Variants in ATG10 observed in about 807,000 individuals in gnomAD.
ATG10 encodes the protein autophagy related 10.
ATG10 carries 30 observed loss-of-function variants against 32.1 expected under a neutral mutation model. That is an observed-to-expected ratio of 0.94 (90% CI 0.70 to 1.27). The LOEUF (loss-of-function observed/expected upper bound fraction) is 1.27, where lower values mean the gene tolerates loss of function less well. ATG10 is among the 50% of genes most tolerant of loss of function. The pLI, the probability that ATG10 is intolerant of heterozygous loss-of-function variation, is 0.00. For missense variants in ATG10, 233 were observed against 262.3 expected, an observed-to-expected ratio of 0.89 and a Z score of 0.77; for synonymous variants, 87 against 91.5, an observed-to-expected ratio of 0.95 and a Z score of 0.28.
At chr5:82,080,849 C>G (rs1220371915) in intron 3 of ATG10, among the ~76,000 whole-genome samples, 3 of 152,148 alleles carry the variant, frequency 2.0e-5, no homozygotes, top group African/African-American at 7.2e-5. Context: ...AGTGTGGGCT[C>G]TTTTTTGTTC....
chr5:82,054,067 C>T (rs1377137544), intron 2 of ATG10, among the ~76,000 whole-genome samples: 1 of 152,134 alleles, frequency 6.6e-6, no homozygotes, highest in Non-Finnish European at 1.5e-5. Flanking sequence ...TGACTCTGTT[C>T]ATTGAGTTCA....
intron 3 of ATG10, among the ~76,000 whole-genome samples, chr5:82,133,767 A>C (rs936132234): frequency 2.0e-5 from 3 of 152,096 alleles, no homozygotes; most frequent in African/African-American, 7.2e-5. Context: ...GAAGAAAGTC[A>C]CTGGTAGCTT....
At chr5:82,060,122 C>G (rs906939010) in intron 3 of ATG10, among the ~76,000 whole-genome samples, 4 of 152,098 alleles carry the variant, frequency 2.6e-5, no homozygotes, top group African/African-American at 9.7e-5. Context: ...TGTGCACATA[C>G]TATGAATAAT....
At chr5:82,091,372 T>C (rs1764877813) in intron 3 of ATG10, among the ~76,000 whole-genome samples, 1 of 152,094 alleles carries the variant, frequency 6.6e-6, no homozygotes, top group South Asian at 2.1e-4. Context: ...GCCTGACTTA[T>C]TTCTGCCTTT....
intron 2 of ATG10, among the ~76,000 whole-genome samples, chr5:82,032,821 A>G (rs746473297): frequency 3.0e-4 from 46 of 152,028 alleles, no homozygotes; most frequent in Non-Finnish European, 4.7e-4. Context: ...TGTGCCAGAC[A>G]TTGTTCACAC....
At chr5:81,977,993 C>CTTTTTTAT (rs1212306350) in intron 1 of ATG10, among the ~76,000 whole-genome samples, 3 of 152,148 alleles carry the variant, frequency 2.0e-5, no homozygotes, top group Non-Finnish European at 1.5e-5. Flanking sequence ...AAATATGGCA[C>CTTTTTTAT]TTGGTAGTAT....
intron 3 of ATG10, among the ~76,000 whole-genome samples, chr5:82,158,357 C>T (rs61501442): frequency 2.0e-5 from 3 of 150,534 alleles, no homozygotes; most frequent in African/African-American, 7.4e-5. Context: ...TGCCCCCCCG[C>T]CCCCCATCTC....
At chr5:81,985,923 T>C (rs555218470) in intron 1 of ATG10, among the ~76,000 whole-genome samples, 1 of 152,214 alleles carries the variant, frequency 6.6e-6, no homozygotes, top group African/African-American at 2.4e-5. Context: ...CCACCACGCC[T>C]GGCTAATTTT....
chr5:82,027,532 G>A (rs1406447746), intron 2 of ATG10, among the ~76,000 whole-genome samples: 2 of 152,040 alleles, frequency 1.3e-5, no homozygotes, highest in Non-Finnish European at 2.9e-5. Context: ...TATGAATTTT[G>A]ATGAAGTTTG....
intron 2 of ATG10, among the ~76,000 whole-genome samples, chr5:82,005,201 TCTTTA>T (rs1377023721): frequency 5.9e-5 from 9 of 152,304 alleles, no homozygotes; most frequent in Non-Finnish European, 8.8e-5. Flanking sequence ...GGTACTATTC[TCTTTA>T]CTTTTTTTGT....
chr5:82,036,771 G>A (rs1162025814), intron 2 of ATG10, among the ~76,000 whole-genome samples: 1 of 151,866 alleles, frequency 6.6e-6, no homozygotes, highest in African/African-American at 2.4e-5. Context: ...GTAAAGTTGT[G>A]CAGTTTTCTT....
chr5:82,046,476 A>G lies in ATG10; in HGVS notation c.109-12019A>G, dbSNP rs186342565. Among the ~76,000 whole-genome samples the G allele has an allele frequency of 1.7e-3, 254 of 152,284 alleles. 1 individual carries two copies. The highest frequency in any genetic ancestry group is 5.7e-3 in the African/African-American group (238 of 41,556). ...CAACCAGAATCTAGGAGGAGGCAACAGCCTAAAGAGAGAGCACGGCTCTGC... is the reference window on the plus strand; with the variant it reads ...CAACCAGAATCTAGGAGGAGGCAACGGCCTAAAGAGAGAGCACGGCTCTGC... On this transcript the variant is annotated intron_variant, in intron 2 of 7. Coordinates refer to ENST00000282185, the MANE Select transcript of ATG10 (RefSeq NM_031482.5).
chr5:81,983,446 TG>T (rs1483516270), intron 1 of ATG10, among the ~76,000 whole-genome samples: 17 of 125,854 alleles, frequency 1.4e-4, no homozygotes, highest in Middle Eastern at 6.1e-3. Context: ...ACGGGGTGGC[TG>T]GCCGGGCGGG....
intron 3 of ATG10, among the ~76,000 whole-genome samples, chr5:82,069,785 T>A (rs1244403707): frequency 6.6e-6 from 1 of 152,208 alleles, no homozygotes; most frequent in African/African-American, 2.4e-5. Context: ...TGGCCAGGAA[T>A]AATTTGTTAA....
chr5:82,000,298 G>C (rs1761810615), intron 2 of ATG10, among the ~76,000 whole-genome samples: 1 of 152,094 alleles, frequency 6.6e-6, no homozygotes, highest in Non-Finnish European at 1.5e-5. Context: ...CAACAAACTA[G>C]GCACTGAAGG....
At chr5:82,109,950 T>TCCCCCCCCCCCC (rs5869105) in intron 3 of ATG10, among the ~76,000 whole-genome samples, 1 of 145,418 alleles carries the variant, frequency 6.9e-6, no homozygotes, top group Non-Finnish European at 1.5e-5. Flanking sequence ...CTATCCCCCA[T>TCCCCCCCCCCCC]CCCCCCACCC....
intron 5 of ATG10, among the ~76,000 whole-genome samples, chr5:82,181,683 C>A (rs931957466): frequency 6.6e-6 from 1 of 152,038 alleles, no homozygotes; most frequent in Non-Finnish European, 1.5e-5. Flanking sequence ...AATATGCTGT[C>A]CTCCAGAGTG....
chr5:82,176,563 TAC>T (rs143244485), intron 4 of ATG10, among the ~76,000 whole-genome samples: 9 of 151,804 alleles, frequency 5.9e-5, no homozygotes, highest in East Asian at 1.9e-4. Context: ...CCCACACCAA[TAC>T]ACACACACAC....
chr5:82,115,313 C>T (rs544965383), intron 3 of ATG10, among the ~76,000 whole-genome samples: 2 of 152,108 alleles, frequency 1.3e-5, no homozygotes, highest in African/African-American at 4.8e-5. Flanking sequence ...TAAAGTACAA[C>T]AGTGATGTTT....
Sources: allele counts gnomAD v4.1 joint callset (sites outside exome capture counted in the v4.1 genomes callset), GRCh38; gene constraint gnomAD v4.1.1; transcripts MANE v1.5; gene names NCBI Gene and HGNC (gene_info 2026-07-23, HGNC 2026-07-21).